RGP1: variants seen among roughly 807,000 people sequenced by gnomAD.
The protein encoded by RGP1 is RAB6A-GEF complex partner protein 2.
Under a neutral mutation model 44.5 loss-of-function variants are expected in RGP1, and 28 were observed. That is an observed-to-expected ratio of 0.63 (90% CI 0.47 to 0.86). RGP1 has a LOEUF of 0.86. Ranked by LOEUF, RGP1 falls within the 40% of genes least tolerant of loss-of-function variation. RGP1 has a pLI of 0.00. For synonymous variants in RGP1, 212 were observed against 196.7 expected (o/e 1.08, Z -0.65); for missense variants, 417 against 490.7 (o/e 0.85, Z 1.42).
chr9:35,752,550 G>T, intron 8 of RGP1, 101 bp from the exon 9 acceptor site: 2 of 1,078,492 alleles, frequency 1.9e-6, no homozygotes, highest in Non-Finnish European at 1.4e-6. Context: ...CTGTCTTCCT[G>T]AACACAGATT....
chr9:35,789,329 C>CT, the RGP1 span, among the ~76,000 whole-genome samples: 876 of 137,642 alleles, frequency 6.4e-3, 5 homozygotes, highest in African/African-American at 7.6e-3. Context: ...CTTCCACTTC[C>CT]TTTTTTTTTT....
At chr9:35,785,319 G>A in the RGP1 span, among the ~76,000 whole-genome samples, 10 of 152,028 alleles carry the variant, frequency 6.6e-5, 1 homozygote, top group South Asian at 6.2e-4. Flanking sequence ...AGGCTGCTGC[G>A]CAGAGGTTCC....
chr9:35,767,311 A>T, the RGP1 span, among the ~76,000 whole-genome samples: 1 of 145,496 alleles, frequency 6.9e-6, no homozygotes, highest in Non-Finnish European at 1.5e-5. Context: ...TTTTGCCGAA[A>T]GAGTTCATTA....
chr9:35,751,570 G>A (rs1212029272), intron 6 of RGP1, 57 bp from the exon 7 acceptor site: 1 of 1,611,922 alleles, frequency 6.2e-7, no homozygotes, highest in African/African-American at 1.3e-5. Flanking sequence ...GTGGTGCCCA[G>A]TCCTAGACGT....
rs1827340624 is a variant in RGP1 at position 35,755,228 on chromosome 9, T to C, written c.*2354T>C. 6.6e-6 allele frequency: 1 copy of C among 152,256 alleles called. No individual in the cohort carries two copies. The highest frequency in any genetic ancestry group is 1.9e-4 in the East Asian group (1 of 5,202). 9.4% of individuals were successfully genotyped at this position (152,256 alleles called of 1,614,324 possible). A position where few individuals can be genotyped will look rare whatever the true frequency, so the allele number is the denominator to read the frequency against. ...AATTGGGGATAGTAATGCCAACTCATTGGGCTGTTATGAGGATTACTGAGA... is the reference window on the plus strand; with the variant it reads ...AATTGGGGATAGTAATGCCAACTCACTGGGCTGTTATGAGGATTACTGAGA... On this transcript the variant is annotated 3_prime_UTR_variant, in exon 9 of 9. Transcript: ENST00000378078.
chr9:35,761,076 T>G (rs946452565), downstream of RGP1, among the ~76,000 whole-genome samples: 1 of 152,068 alleles, frequency 6.6e-6, no homozygotes, highest in Non-Finnish European at 1.5e-5. Context: ...ATTTATGGGG[T>G]GGGTAGGATA....
At chr9:35,789,474 G>T in the RGP1 span, among the ~76,000 whole-genome samples, 7 of 151,912 alleles carry the variant, frequency 4.6e-5, no homozygotes, top group African/African-American at 1.2e-4. Flanking sequence ...GATTTGTTTG[G>T]TTTTTAATAG....
the RGP1 span, among the ~76,000 whole-genome samples, chr9:35,763,881 CAAAAAAA>C: frequency 3.1e-3 from 256 of 81,964 alleles, 1 homozygote; most frequent in African/African-American, 0.013. Context: ...GACTCCATCT[CAAAAAAA>C]AAAAAAAAAA....
downstream of RGP1, among the ~76,000 whole-genome samples, chr9:35,762,561 C>G (rs1401141746): frequency 6.6e-6 from 1 of 152,120 alleles, no homozygotes; most frequent in South Asian, 2.1e-4. Context: ...TTCTGTGGCA[C>G]TATTAAATTC....
chr9:35,752,109 C>T lies in RGP1; in HGVS notation c.916C>T (p.Pro306Ser). Residue 306 changes from proline to serine, a missense_variant, in exon 8 of 9, where the codon CCT (proline) becomes TCT (serine). By Grantham distance (74) the Pro-to-Ser change is moderately conservative. Transcript: ENST00000378078. ...TTRTSFSLPI[P>S]LSSTPGFCTA... Reference sequence around the variant, plus strand: ...TAGAACCAGCTTCTCCCTCCCAATCCCTCTCAGCTCCACCCCAGGCTTCTG... The same window carrying T: ...TAGAACCAGCTTCTCCCTCCCAATCTCTCTCAGCTCCACCCCAGGCTTCTG... 6.3e-7 allele frequency: 1 copy of T among 1,588,876 alleles called. No homozygotes were observed. The highest frequency in any genetic ancestry group is 1.2e-5 in the South Asian group (1 of 86,148).
At chr9:35,768,708 G>A in the RGP1 span, among the ~76,000 whole-genome samples, 1 of 152,186 alleles carries the variant, frequency 6.6e-6, no homozygotes, top group African/African-American at 2.4e-5. Flanking sequence ...GAGATCTTAA[G>A]AAGCTAGAGG....
At chr9:35,768,417 C>T in the RGP1 span, among the ~76,000 whole-genome samples, 1 of 152,158 alleles carries the variant, frequency 6.6e-6, no homozygotes, top group Non-Finnish European at 1.5e-5. Flanking sequence ...ATGTCTGACC[C>T]TGGAGGTCAA....
chr9:35,750,631 TA>T (rs751043303), intron 3 of RGP1, 26 bp from the exon 4 acceptor site: 1 of 1,610,300 alleles, frequency 6.2e-7, no homozygotes, highest in Admixed American at 1.7e-5. Flanking sequence ...AATGGGTCAT[TA>T]AATTAGTCAT....
At chr9:35,763,719 T>C in the RGP1 span, among the ~76,000 whole-genome samples, 1 of 151,630 alleles carries the variant, frequency 6.6e-6, no homozygotes, top group Admixed American at 6.6e-5. Context: ...CTGTCTCTAC[T>C]AAAAATACAA....
At chr9:35,777,988 C>T in the RGP1 span, among the ~76,000 whole-genome samples, 1 of 152,104 alleles carries the variant, frequency 6.6e-6, no homozygotes, top group Non-Finnish European at 1.5e-5. Context: ...TACTTGCACA[C>T]CTGTTACAAA....
In RGP1 at chr9:35,749,458, G is replaced by A. The variant is rs1188743811; in HGVS notation, c.-20+50G>A. Reference sequence around the variant, plus strand: ...CTGGGACGTGGAACTTTGAGGAAAGGGGGAGCGGAGGCCAGTTTGGGAACT... The same window carrying A: ...CTGGGACGTGGAACTTTGAGGAAAGAGGGAGCGGAGGCCAGTTTGGGAACT... On this transcript the variant is annotated intron_variant, in intron 1 of 8. Coordinates refer to ENST00000378078, the MANE Select transcript of RGP1 (RefSeq NM_001080496.3). This position sits in a 1 kb window ranked among gnomAD's most constrained non-coding sequence, Gnocchi z 4.4. 2 of 618,614 alleles carry A rather than the reference G, an allele frequency of 3.2e-6. No homozygotes were observed. Among genetic ancestry groups the A allele is most frequent in the Admixed American group, 3.8e-5 (2 of 53,046 alleles). The allele number at this position is 618,614 out of a possible 1,614,324, so 38.3% of individuals were successfully genotyped here. A position where few individuals can be genotyped will look rare whatever the true frequency, so the allele number is the denominator to read the frequency against.
Position 35,749,719 on chromosome 9 carries a change from C to A in RGP1, c.-19-18C>A. ...CCTGTCAAGGTGCTGACCTCCGCCC[C>A]GCCTTGTTTCCTTCTAGATCTGATT... On this transcript the variant is annotated intron_variant, in intron 1 of 8. Coordinates refer to ENST00000378078, the MANE Select transcript of RGP1 (RefSeq NM_001080496.3). The surrounding 1 kb of genome is among the most constrained non-coding windows in gnomAD (Gnocchi z 4.4). The A allele has an allele frequency of 1.3e-6, 2 of 1,495,722 alleles. No homozygotes were observed. Among genetic ancestry groups the A allele is most frequent in the South Asian group, 2.3e-5 (2 of 87,352 alleles). The allele number at this position is 1,495,722 out of a possible 1,614,324, so 92.7% of individuals were successfully genotyped here. A position where few individuals can be genotyped will look rare whatever the true frequency, so the allele number is the denominator to read the frequency against.
the RGP1 span, among the ~76,000 whole-genome samples, chr9:35,767,168 G>A: frequency 1.3e-5 from 2 of 151,954 alleles, no homozygotes; most frequent in Admixed American, 6.6e-5. Flanking sequence ...AATACAATGT[G>A]TCATGTGATA....
At chr9:35,769,728 A>C in the RGP1 span, among the ~76,000 whole-genome samples, 2 of 152,098 alleles carry the variant, frequency 1.3e-5, no homozygotes, top group Non-Finnish European at 2.9e-5. Context: ...AGTGTAGAGG[A>C]TGAGGAAGAG....
Sources: gnomAD v4.1 joint callset for allele counts (sites outside exome capture counted in the v4.1 genomes callset) on GRCh38, gnomAD v4.1.1 for gene constraint, Gnocchi (gnomAD v3.1) non-coding constraint, MANE v1.5 for transcripts, NCBI Gene and HGNC (gene_info 2026-07-23, HGNC 2026-07-21) for gene names.